The following LAMA3 variants were observed in gnomAD, a reference collection of about 807,000 sequenced individuals.
LAMA3 encodes the protein laminin subunit alpha 3.
LAMA3 carries 281 observed loss-of-function variants against 402.0 expected under a neutral mutation model. The ratio of observed to expected loss-of-function variants is 0.70; its 90% CI spans 0.63 to 0.77. The LOEUF (loss-of-function observed/expected upper bound fraction) is 0.77, where lower values mean the gene tolerates loss of function less well. Ranked by LOEUF, LAMA3 falls within the 30% of genes least tolerant of loss-of-function variation. The pLI, the probability that LAMA3 is intolerant of heterozygous loss-of-function variation, is 0.00. For synonymous variants in LAMA3, 1,431 were observed against 1,558.4 expected, an observed-to-expected ratio of 0.92 and a Z score of 1.93; for missense variants, 3,840 against 4,215.5, an observed-to-expected ratio of 0.91 and a Z score of 2.47.
chr18:23,952,988 A>G lies in LAMA3; in HGVS notation c.9737-2A>G. The G allele has an allele frequency of 1.9e-6, 3 of 1,614,034 alleles. No homozygotes were observed. The highest frequency in any genetic ancestry group is 2.5e-6 in the Non-Finnish European group (3 of 1,179,930). ...TAGACCTAACCAGCCTCCTTTCCCC[A>G]GTCACCATAAAACAACACATCCTGC... On this transcript the variant is annotated splice_acceptor_variant, in intron 73 of 74. Coordinates refer to ENST00000313654, the MANE Select transcript of LAMA3 (RefSeq NM_198129.4). LOFTEE classifies it high-confidence loss of function.
At chr18:23,766,536 C>T (rs1367794427) in intron 8 of LAMA3, among the ~76,000 whole-genome samples, 1 of 152,094 alleles carries the variant, frequency 6.6e-6, no homozygotes, top group Non-Finnish European at 1.5e-5. Flanking sequence ...ATATAAAGTA[C>T]TATTTAAAAA....
In LAMA3 at chr18:23,783,992, A is replaced by C. The variant is rs200871069; in HGVS notation, c.1469-31A>C. 1.8e-4 allele frequency: 297 copies of C among 1,613,574 alleles called. No homozygotes were observed. The Admixed American group carries it at 4.8e-3, about 26-fold the overall frequency. ...ATTAAGAAAGTGATGGAAGATGGAG[A>C]CCCCTTCTGAAAGTTTCCTGTCTTC... On this transcript the variant is annotated intron_variant, in intron 11 of 74. Coordinates refer to ENST00000313654, the MANE Select transcript of LAMA3 (RefSeq NM_198129.4).
At chr18:23,736,799 G>A (rs1255793363) in intron 2 of LAMA3, among the ~76,000 whole-genome samples, 1 of 152,134 alleles carries the variant, frequency 6.6e-6, no homozygotes, top group Non-Finnish European at 1.5e-5. Context: ...TAAGGGAAGG[G>A]GGTGGAGCTG....
At chr18:23,708,828 C>A (rs181959904) in intron 1 of LAMA3, among the ~76,000 whole-genome samples, 48 of 151,458 alleles carry the variant, frequency 3.2e-4, no homozygotes, top group African/African-American at 9.0e-4. Context: ...GTGATCATAG[C>A]TCACTATACT....
chr18:23,940,690 A>G (rs76821998), intron 68 of LAMA3, among the ~76,000 whole-genome samples: 2,256 of 152,286 alleles, frequency 0.015, 28 homozygotes, highest in Non-Finnish European at 0.018. Context: ...AAGGTCAGAG[A>G]GAGATTGACT....
chr18:23,833,921 G>A lies in LAMA3; in HGVS notation c.2917G>A (p.Asp973Asn), dbSNP rs2063533827. 5.6e-6 allele frequency: 9 copies of A among 1,614,218 alleles called. No homozygotes were observed. The highest frequency in any genetic ancestry group is 3.3e-5 in the South Asian group (3 of 91,086). Residue 973 changes from aspartate to asparagine, a missense_variant, in exon 24 of 75, where the codon GAT becomes AAT. Asp to Asn is a conservative substitution (Grantham distance 23, BLOSUM62 1). This residue lies in a region of LAMA3 where 2,109 missense variants were observed against 2,376.0 expected (regional missense o/e 0.89). Transcript: ENST00000313654. ...STEAAQLFVV[D>N]VNVKSSGSVL... Reference sequence around the variant, plus strand: ...GGAGGCAGCTCAGCTGTTTGTGGTTGATGTGAATGTGAAGAGCTCCGGGTC... The same window carrying A: ...GGAGGCAGCTCAGCTGTTTGTGGTTAATGTGAATGTGAAGAGCTCCGGGTC...
chr18:23,908,533 C>CAA lies in LAMA3; in HGVS notation c.7016-602_7016-601dup, dbSNP rs111961159. On this transcript the variant is annotated intron_variant, in intron 54 of 74. Transcript: ENST00000313654. Reference sequence around the variant, plus strand: ...CGACAGAGCGAGACTCCATCTCAAACAAAAAAAAAAAAAAAAAAAGGAAAG... The same window carrying CAA: ...CGACAGAGCGAGACTCCATCTCAAACAAAAAAAAAAAAAAAAAAAAAGGAAAG... 2.7e-3 allele frequency among the ~76,000 whole-genome samples: 155 copies of CAA among 57,016 alleles called. 1 individual carries two copies. The highest frequency in any genetic ancestry group is 0.012 in the Middle Eastern group (1 of 84). 37.4% of individuals were successfully genotyped at this position (57,016 alleles called of 152,430 possible).
At chr18:23,920,637 T>C (rs1306207141) in intron 60 of LAMA3, among the ~76,000 whole-genome samples, 1 of 152,206 alleles carries the variant, frequency 6.6e-6, no homozygotes, top group Non-Finnish European at 1.5e-5. Context: ...ATCTGTATCT[T>C]TTCGGTCTCC....
chr18:23,763,864 G>C (rs935693391), intron 8 of LAMA3, among the ~76,000 whole-genome samples: 2 of 152,178 alleles, frequency 1.3e-5, no homozygotes, highest in Non-Finnish European at 2.9e-5. Flanking sequence ...TAATGTTAGT[G>C]CTGACCCTAC....
At position 23,748,025 on chromosome 18, in the gene LAMA3, T is replaced by C. The variant is rs144385638; in HGVS notation, c.530T>C (p.Phe177Ser). The change falls in exon 3 of 75, where the codon TTT becomes TCT. Residue 177 changes from phenylalanine (F) to serine (S), a missense_variant. Physicochemically the swap from Phe to Ser is radical, Grantham distance 155. Around this residue, in one of 3 missense-constraint regions of LAMA3, gnomAD observed 2,109 missense variants for 2,376.0 expected, o/e 0.89. Transcript: ENST00000313654. ...TGGGTCTTGGAAAGATCTGTAGACTTTGGAAGCACCTACTCACCATGGCAA... is the reference window on the plus strand; with the variant it reads ...TGGGTCTTGGAAAGATCTGTAGACTCTGGAAGCACCTACTCACCATGGCAA... ...DLWVLERSVD[F>S]GSTYSPWQYF... The C allele has an allele frequency of 3.1e-6, 5 of 1,613,076 alleles. No individual in the cohort carries two copies. In the African/African-American group the frequency reaches 6.7e-5, roughly 21 times the overall value.
chr18:23,905,689 G>C, intron 52 of LAMA3, 65 bp downstream of exon 52: 1 of 878,648 alleles, frequency 1.1e-6, no homozygotes, highest in East Asian at 2.5e-5. Context: ...GGGACCAGGT[G>C]GGGCAGCCCT....
At chr18:23,700,701 CTTTTCTTTTT>C (rs1207046277) in intron 1 of LAMA3, among the ~76,000 whole-genome samples, 1 of 149,972 alleles carries the variant, frequency 6.7e-6, no homozygotes, top group Non-Finnish European at 1.5e-5. Flanking sequence ...TTTTTCTTTT[CTTTTCTTTTT>C]TTTTGAGGCA....
Position 23,955,008 on chromosome 18 carries a change from T to TCCC in LAMA3, c.*360_*361insCCC. 3.5e-6 allele frequency: 1 copy of TCCC among 285,468 alleles called. No homozygotes were observed. Among genetic ancestry groups the TCCC allele is most frequent in the South Asian group, 3.6e-5 (1 of 27,654 alleles). The allele number at this position is 285,468 out of a possible 1,614,324, so 17.7% of individuals were successfully genotyped here. A position where few individuals can be genotyped will look rare whatever the true frequency, so the allele number is the denominator to read the frequency against. On this transcript the variant is annotated 3_prime_UTR_variant, in exon 75 of 75. Transcript: ENST00000313654. ...TAAAGCACTTTAAGAATATGAAACTTTCATATATGTTAAAGGATTATAATT... is the reference window on the plus strand; with the variant it reads ...TAAAGCACTTTAAGAATATGAAACTTCCCTCATATATGTTAAAGGATTATAATT...
chr18:23,756,469 A>G (rs577504651), intron 6 of LAMA3, among the ~76,000 whole-genome samples: 4 of 136,224 alleles, frequency 2.9e-5, no homozygotes, highest in South Asian at 5.6e-4. Context: ...CCCGCCAAAA[A>G]AAACCCAAAA....
intron 64 of LAMA3, 149 bp downstream of exon 64, chr18:23,928,914 G>A (rs766064264): frequency 1.5e-4 from 117 of 785,002 alleles, no homozygotes; most frequent in Admixed American, 1.2e-3. Context: ...AACCATAAAC[G>A]TTATTCCCCA....
At chr18:23,794,101 T>A (rs1256622008) in intron 12 of LAMA3, among the ~76,000 whole-genome samples, 3 of 152,220 alleles carry the variant, frequency 2.0e-5, no homozygotes, top group Non-Finnish European at 2.9e-5. Flanking sequence ...CCTCCCCACA[T>A]GTTCAGCTAT....
intron 32 of LAMA3, among the ~76,000 whole-genome samples, chr18:23,853,930 C>T (rs558968838): frequency 6.6e-6 from 1 of 152,336 alleles, no homozygotes; most frequent in East Asian, 1.9e-4. Context: ...ATTGTCCTGG[C>T]AACACCAAAA....
At chr18:23,892,572 GCTAA>G (rs1358265179) in intron 42 of LAMA3, among the ~76,000 whole-genome samples, 1 of 152,038 alleles carries the variant, frequency 6.6e-6, no homozygotes, top group Non-Finnish European at 1.5e-5. Flanking sequence ...CCATTTACAG[GCTAA>G]CTGAGGAAAT....
intron 29 of LAMA3, among the ~76,000 whole-genome samples, chr18:23,843,010 C>G (rs1468533781): frequency 6.6e-6 from 1 of 152,204 alleles, no homozygotes; most frequent in African/African-American, 2.4e-5. Flanking sequence ...TCTGACCAGT[C>G]TCTGGAGCAT....
Sources: allele counts gnomAD v4.1 joint callset (sites outside exome capture counted in the v4.1 genomes callset), GRCh38; gene constraint gnomAD v4.1.1; regional missense constraint gnomAD v4.1.1; transcripts MANE v1.5; gene names NCBI Gene and HGNC (gene_info 2026-07-23, HGNC 2026-07-21).